EBF1: variants seen among roughly 807,000 people sequenced by gnomAD.
EBF1 encodes the protein transcription factor COE1.
EBF1 carries 10 observed loss-of-function variants against 68.4 expected under a neutral mutation model. The ratio of observed to expected loss-of-function variants is 0.15; its 90% confidence interval spans 0.09 to 0.25. The LOEUF (loss-of-function observed/expected upper bound fraction) is 0.25. Ranked by LOEUF, EBF1 falls within the 10% of genes least tolerant of loss-of-function variation. EBF1 has a pLI of 1.00. For missense variants in EBF1, 509 were observed against 794.4 expected, an observed-to-expected ratio of 0.64 and a Z score of 4.32; for synonymous variants, 298 against 299.8, an observed-to-expected ratio of 0.99 and a Z score of 0.06.
At chr5:159,081,011 C>T (rs1779657079) in intron 5 of EBF1, among the ~76,000 whole-genome samples, 3 of 152,158 alleles carry the variant, frequency 2.0e-5, no homozygotes, top group Non-Finnish European at 4.4e-5. Flanking sequence ...GATGGGGTCT[C>T]GTTCTGCCAC....
intron 14 of EBF1, among the ~76,000 whole-genome samples, 169 bp downstream of exon 14, chr5:158,711,985 T>G (rs1245247235): frequency 6.6e-6 from 1 of 152,184 alleles, no homozygotes; most frequent in Non-Finnish European, 1.5e-5. Context: ...GAGCGGAGAT[T>G]CCTGCTGGAG....
intron 10 of EBF1, among the ~76,000 whole-genome samples, chr5:158,732,752 G>C (rs1360469391): frequency 6.6e-6 from 1 of 152,014 alleles, no homozygotes; most frequent in Admixed American, 6.5e-5. Flanking sequence ...TGAACTTTAG[G>C]TAACTTTTTA....
intron 6 of EBF1, among the ~76,000 whole-genome samples, chr5:158,932,998 T>C (rs1217154910): frequency 6.6e-6 from 1 of 152,206 alleles, no homozygotes; most frequent in Non-Finnish European, 1.5e-5. Flanking sequence ...TGGTCTCTGA[T>C]CCCTCAGAAC....
At chr5:158,945,065 C>A (rs1475224188) in intron 6 of EBF1, among the ~76,000 whole-genome samples, 1 of 152,172 alleles carries the variant, frequency 6.6e-6, no homozygotes, top group Non-Finnish European at 1.5e-5. Flanking sequence ...TGCAGAAGCT[C>A]TTTAGTTTAA....
At chr5:158,923,818 G>A (rs1327330387) in intron 6 of EBF1, among the ~76,000 whole-genome samples, 2 of 152,116 alleles carry the variant, frequency 1.3e-5, no homozygotes, top group African/African-American at 2.4e-5. Flanking sequence ...CTCAAATTTC[G>A]TGAACTAGTG....
chr5:159,082,144 T>C lies in EBF1; in HGVS notation c.485+2522A>G, dbSNP rs531138434. Reference sequence around the variant, plus strand: ...GTGTTTCTCATTTTTTCTTTTTTTTTCCCCCTTTGCCTGCAACAAAACAGA... The same window carrying C: ...GTGTTTCTCATTTTTTCTTTTTTTTCCCCCCTTTGCCTGCAACAAAACAGA... On this transcript the variant is annotated intron_variant, in intron 5 of 15. Coordinates refer to ENST00000313708, the MANE Select transcript of EBF1 (RefSeq NM_024007.5). Among the ~76,000 whole-genome samples, 6 of 152,224 alleles carry C rather than the reference T, an allele frequency of 3.9e-5. No homozygotes were observed. The South Asian group carries it at 1.0e-3, about 26-fold the overall frequency.
chr5:159,070,093 C>T (rs1316976342), intron 6 of EBF1, among the ~76,000 whole-genome samples: 1 of 152,148 alleles, frequency 6.6e-6, no homozygotes, highest in Non-Finnish European at 1.5e-5. Flanking sequence ...ATAATGAAAT[C>T]TGCTGTTATC....
chr5:158,820,236 G>A (rs1039141672), intron 8 of EBF1, among the ~76,000 whole-genome samples: 3 of 151,614 alleles, frequency 2.0e-5, no homozygotes, highest in Non-Finnish European at 4.4e-5. Flanking sequence ...ATGCTTTGCC[G>A]TCTCACCATG....
At chr5:158,733,492 C>T (rs767743108) in intron 10 of EBF1, among the ~76,000 whole-genome samples, 4 of 151,842 alleles carry the variant, frequency 2.6e-5, no homozygotes, top group Non-Finnish European at 5.9e-5. Flanking sequence ...GAGGAATGAC[C>T]GACAATATCA....
chr5:158,716,416 C>T (rs1349386706), intron 11 of EBF1, among the ~76,000 whole-genome samples: 1 of 152,136 alleles, frequency 6.6e-6, no homozygotes, highest in Non-Finnish European at 1.5e-5. Context: ...CCATTGAGTA[C>T]ATTGCCATAG....
chr5:158,995,170 T>C (rs1303157533), intron 6 of EBF1, among the ~76,000 whole-genome samples: 1 of 152,088 alleles, frequency 6.6e-6, no homozygotes, highest in African/African-American at 2.4e-5. Context: ...TAGTAGAAAA[T>C]TGGAGAAAGA....
chr5:159,018,644 A>C (rs1766073312), intron 6 of EBF1, among the ~76,000 whole-genome samples: 1 of 152,246 alleles, frequency 6.6e-6, no homozygotes, highest in South Asian at 2.1e-4. Context: ...ACACTGGCTA[A>C]GCACTTTATA....
chr5:158,840,703 G>A (rs1790147484), intron 6 of EBF1, among the ~76,000 whole-genome samples: 2 of 108,200 alleles, frequency 1.8e-5, no homozygotes, highest in African/African-American at 3.7e-5. Flanking sequence ...ACGGAGTCTC[G>A]CTCTGTCGCC....
At chr5:158,726,195 G>A (rs186632375) in intron 11 of EBF1, among the ~76,000 whole-genome samples, 4 of 152,248 alleles carry the variant, frequency 2.6e-5, no homozygotes, top group South Asian at 2.1e-4. Context: ...CCATGTCTAC[G>A]TGTTATCTAT....
chr5:159,099,199 G>T, intron 1 of EBF1, 146 bp downstream of exon 1: 1 of 545,946 alleles, frequency 1.8e-6, no homozygotes, highest in Non-Finnish European at 2.7e-6. Context: ...AGAGCGCGGA[G>T]CCCCGGCGGA....
intron 11 of EBF1, among the ~76,000 whole-genome samples, chr5:158,718,289 T>A (rs1233435694): frequency 6.6e-6 from 1 of 152,196 alleles, no homozygotes; most frequent in East Asian, 1.9e-4. Context: ...GGTCCTACCA[T>A]CTTTGTCCAG....
chr5:158,975,300 T>C (rs945413562), intron 6 of EBF1, among the ~76,000 whole-genome samples: 12 of 151,290 alleles, frequency 7.9e-5, no homozygotes, highest in Non-Finnish European at 1.3e-4. Context: ...ATAAGACCCC[T>C]GAGTCCTAAT....
At chr5:158,815,510 C>T (rs1029649353) in intron 8 of EBF1, among the ~76,000 whole-genome samples, 6 of 151,966 alleles carry the variant, frequency 3.9e-5, no homozygotes, top group East Asian at 3.9e-4. Context: ...TCCATAAATG[C>T]TAATAGTTTA....
chr5:158,964,404 C>A (rs1004641842), intron 6 of EBF1, among the ~76,000 whole-genome samples: 1 of 151,946 alleles, frequency 6.6e-6, no homozygotes, highest in South Asian at 2.1e-4. Context: ...AGACAGCAAA[C>A]CGAGTAGGGT....
Sources: allele counts gnomAD v4.1 joint callset (sites outside exome capture counted in the v4.1 genomes callset), GRCh38; gene constraint gnomAD v4.1.1; transcripts MANE v1.5; gene names NCBI Gene and HGNC (gene_info 2026-07-23, HGNC 2026-07-21).